The following MEGF11 variants were observed in gnomAD, a reference collection of about 807,000 sequenced individuals.
The protein encoded by MEGF11 is multiple EGF like domains 11, also known as multiple epidermal growth factor-like domains protein 11.
A neutral mutation model predicts 146.6 loss-of-function variants in MEGF11; 126 were observed. The observed-to-expected ratio is 0.86, with a 90% CI of 0.74 to 1.00. The LOEUF is 1.00. MEGF11 is among the 50% of genes least tolerant of loss of function. The pLI, the probability that MEGF11 is intolerant of heterozygous loss-of-function variation, is 0.00. For missense variants in MEGF11, 1,509 were observed against 1,521.2 expected, an observed-to-expected ratio of 0.99 and a Z score of 0.13; for synonymous variants, 532 against 583.4, an observed-to-expected ratio of 0.91 and a Z score of 1.27.
chr15:65,955,813 C>CACAA (rs1193664795), intron 10 of MEGF11, among the ~76,000 whole-genome samples: 1 of 2,100 alleles, frequency 4.8e-4, no homozygotes, highest in Non-Finnish European at 6.0e-3. Flanking sequence ...CACACACACA[C>CACAA]AATACTTTAA....
rs146295199 is a variant in MEGF11 at position 66,145,136 on chromosome 15, A to G, written c.-8-16725T>C. ...GATAGGAGAGCAGAACTCACTTAGCAGAGGCCTGAGCTGAGAGCAGGCCCA... is the reference window on the plus strand; with the variant it reads ...GATAGGAGAGCAGAACTCACTTAGCGGAGGCCTGAGCTGAGAGCAGGCCCA... On this transcript the variant is annotated intron_variant, in intron 1 of 25. Coordinates refer to ENST00000395614, the MANE Select transcript of MEGF11 (RefSeq NM_001385028.1). Among the ~76,000 whole-genome samples the G allele has an allele frequency of 4.0e-3, 614 of 152,366 alleles. 4 individuals are homozygous for G. The highest frequency in any genetic ancestry group is 5.8e-3 in the Non-Finnish European group (397 of 68,034).
At chr15:66,061,152 G>T (rs925190774) in intron 5 of MEGF11, among the ~76,000 whole-genome samples, 6 of 152,220 alleles carry the variant, frequency 3.9e-5, no homozygotes, top group African/African-American at 1.2e-4. Context: ...GTGACTGAAG[G>T]CTGTCACCTC....
chr15:65,918,159 C>A, intron 15 of MEGF11, 65 bp from the exon 16 acceptor site: 1 of 1,599,948 alleles, frequency 6.3e-7, no homozygotes. Flanking sequence ...CCACCCACAG[C>A]CTCATCCCTA....
intron 5 of MEGF11, among the ~76,000 whole-genome samples, chr15:66,010,766 A>G (rs3852624): frequency 0.014 from 2,185 of 152,342 alleles, 52 homozygotes; most frequent in African/African-American, 0.048. Context: ...GAAAGAAAAC[A>G]TGGGGTTCCA....
chr15:65,914,184 A>G (rs911594625), intron 19 of MEGF11: 3 of 577,270 alleles, frequency 5.2e-6, no homozygotes, highest in African/African-American at 1.9e-5. Context: ...ACAAGGAGCA[A>G]TTGTGACTGT....
chr15:66,120,347 G>A (rs561378508), intron 3 of MEGF11, among the ~76,000 whole-genome samples: 37 of 152,320 alleles, frequency 2.4e-4, no homozygotes, highest in African/African-American at 8.9e-4. Context: ...ACCTGCCCAA[G>A]GTCATGGAGT....
chr15:66,183,778 G>A (rs563706459), intron 1 of MEGF11, among the ~76,000 whole-genome samples: 2 of 152,200 alleles, frequency 1.3e-5, no homozygotes, highest in South Asian at 4.1e-4. Flanking sequence ...AGTGGGGATG[G>A]GGCTGAGGGT....
At chr15:66,251,371 C>T (rs1200944581) in intron 1 of MEGF11, among the ~76,000 whole-genome samples, 1 of 152,188 alleles carries the variant, frequency 6.6e-6, no homozygotes, top group Non-Finnish European at 1.5e-5. Flanking sequence ...CTGAGAATGC[C>T]TACATGCACT....
chr15:66,176,620 A>G (rs2090394919), intron 1 of MEGF11, among the ~76,000 whole-genome samples: 1 of 152,188 alleles, frequency 6.6e-6, no homozygotes, highest in Admixed American at 6.5e-5. Flanking sequence ...GACAGAAAAC[A>G]TTTCCATCAC....
chr15:66,207,820 C>T (rs570339564), intron 1 of MEGF11, among the ~76,000 whole-genome samples: 7 of 152,294 alleles, frequency 4.6e-5, no homozygotes, highest in Admixed American at 2.0e-4. Flanking sequence ...TGGTGGCTCA[C>T]GCCTGTAGTC....
intron 1 of MEGF11, among the ~76,000 whole-genome samples, chr15:66,230,678 G>T (rs895355363): frequency 3.3e-5 from 5 of 152,238 alleles, no homozygotes; most frequent in Admixed American, 2.0e-4. Flanking sequence ...GGGGGGAGAT[G>T]AAACAAGATA....
intron 1 of MEGF11, among the ~76,000 whole-genome samples, chr15:66,216,237 G>A (rs1330183824): frequency 6.6e-6 from 1 of 152,178 alleles, no homozygotes; most frequent in Non-Finnish European, 1.5e-5. Flanking sequence ...GTCTTTGGGG[G>A]AAGGATTCCA....
At chr15:66,188,439 C>G (rs1057142427) in intron 1 of MEGF11, among the ~76,000 whole-genome samples, 1 of 152,078 alleles carries the variant, frequency 6.6e-6, no homozygotes, top group Admixed American at 6.5e-5. Context: ...CTATGTCTGC[C>G]CCAAGGCCCT....
At chr15:66,219,458 A>G (rs985996774) in intron 1 of MEGF11, among the ~76,000 whole-genome samples, 11 of 152,240 alleles carry the variant, frequency 7.2e-5, no homozygotes, top group African/African-American at 2.2e-4. Flanking sequence ...CATGAAAAAA[A>G]TGCTCAACAT....
At chr15:65,905,753 T>C (rs1015892271) in intron 24 of MEGF11, 1 of 208,410 alleles carries the variant, frequency 4.8e-6, no homozygotes, top group African/African-American at 2.3e-5. Context: ...AGATCAACTT[T>C]ATTTCAGATT....
intron 8 of MEGF11, among the ~76,000 whole-genome samples, chr15:65,968,795 A>G (rs576774804): frequency 6.6e-6 from 1 of 152,254 alleles, no homozygotes; most frequent in East Asian, 1.9e-4. Context: ...TAAATTACAA[A>G]ATGAGCTGCA....
At chr15:66,231,582 C>T (rs1038253460) in intron 1 of MEGF11, among the ~76,000 whole-genome samples, 5 of 152,122 alleles carry the variant, frequency 3.3e-5, no homozygotes, top group African/African-American at 7.2e-5. Context: ...ATGCTCCAAC[C>T]GTCTCCTGAG....
chr15:66,119,145 A>G lies in MEGF11; in HGVS notation c.242T>C (p.Met81Thr), dbSNP rs971048237. The change falls in exon 4 of 26, where the codon ATG (methionine) becomes ACG (threonine). Residue 81 changes from methionine (M) to threonine (T), a missense_variant. Coordinates refer to ENST00000395614, the MANE Select transcript of MEGF11 (RefSeq NM_001385028.1). Reference protein sequence around the residue: ...KTAYRRGLRTMYRRRSQCCPG... With the variant: ...KTAYRRGLRTTYRRRSQCCPG... ...GCAGCACTGGGACCTCCGCCGGTAC[A>G]TGGTCCGGAGGCCTCTCCGATACGC... The G allele has an allele frequency of 4.2e-5, 65 of 1,551,508 alleles. No homozygotes were observed. Among genetic ancestry groups the G allele is most frequent in the Non-Finnish European group, 5.1e-5 (59 of 1,147,020 alleles).
chr15:66,078,229 T>G (rs2085676939), intron 5 of MEGF11, among the ~76,000 whole-genome samples: 1 of 152,140 alleles, frequency 6.6e-6, no homozygotes, highest in Non-Finnish European at 1.5e-5. Flanking sequence ...TCTAGGACGG[T>G]GTGTAGAGGA....
Sources: gnomAD v4.1 joint callset for allele counts (sites outside exome capture counted in the v4.1 genomes callset) on GRCh38, gnomAD v4.1.1 for gene constraint, MANE v1.5 for transcripts, NCBI Gene and HGNC (gene_info 2026-07-23, HGNC 2026-07-21) for gene names.